Variants in ARHGEF10L observed in about 807,000 individuals in gnomAD.
ARHGEF10L encodes rho guanine nucleotide exchange factor 10-like protein.
Under a neutral mutation model 141.2 loss-of-function variants are expected in ARHGEF10L, and 69 were observed. The ratio of observed to expected loss-of-function variants is 0.49; its 90% CI spans 0.40 to 0.60. The LOEUF is 0.60. Among genes scored for constraint, ARHGEF10L ranks in the 20% least tolerant of loss-of-function variants. ARHGEF10L has a pLI of 0.00. For missense variants in ARHGEF10L, 1,482 were observed against 1,734.3 expected, an observed-to-expected ratio of 0.85 and a Z score of 2.58; for synonymous variants, 711 against 718.5, an observed-to-expected ratio of 0.99 and a Z score of 0.17.
intron 26 of ARHGEF10L, among the ~76,000 whole-genome samples, chr1:17,669,336 C>A (rs1224283573): frequency 6.6e-6 from 1 of 152,188 alleles, no homozygotes; most frequent in East Asian, 1.9e-4. Flanking sequence ...CTCCCACCCT[C>A]GGGAAGTAAA....
intron 1 of ARHGEF10L, among the ~76,000 whole-genome samples, chr1:17,561,508 G>T (rs185638098): frequency 4.6e-5 from 7 of 152,160 alleles, no homozygotes; most frequent in Non-Finnish European, 1.0e-4. Context: ...CTCCTGTCTC[G>T]CAGAGGGGGA....
intron 1 of ARHGEF10L, among the ~76,000 whole-genome samples, chr1:17,544,407 G>C (rs1195440709): frequency 6.6e-6 from 1 of 151,784 alleles, no homozygotes; most frequent in East Asian, 1.9e-4. Flanking sequence ...CGATTCTCAT[G>C]CCTCAGCCTC....
intron 9 of ARHGEF10L, among the ~76,000 whole-genome samples, chr1:17,616,460 G>T: frequency 6.6e-6 from 1 of 152,164 alleles, no homozygotes; most frequent in East Asian, 1.9e-4. Context: ...TCCTGCTTTT[G>T]TCACGGCCGT....
At position 17,638,763 on chromosome 1, in the gene ARHGEF10L, G is replaced by C. The variant is rs1232166468; in HGVS notation, c.2171+74G>C. 8 of 1,586,652 alleles carry C rather than the reference G, an allele frequency of 5.0e-6. No homozygotes were observed. In the Admixed American group the frequency reaches 1.4e-4, roughly 27 times the overall value. On this transcript the variant is annotated intron_variant, in intron 20 of 28. Coordinates refer to ENST00000361221, the MANE Select transcript of ARHGEF10L (RefSeq NM_018125.4). ...CCAGTGGAGCAGGGGATCCGGAGAG[G>C]GTACCTGGAGCCCTCTTATTTGTCG...
At chr1:17,640,092 C>A (rs1443361866) in intron 20 of ARHGEF10L, 110 bp from the exon 21 acceptor site, 1 of 1,500,390 alleles carries the variant, frequency 6.7e-7, no homozygotes, top group Non-Finnish European at 8.9e-7. Context: ...TCTGACCAGA[C>A]CTCCTTGATC....
intron 27 of ARHGEF10L, chr1:17,689,816 T>C (rs1281068498): frequency 4.4e-6 from 2 of 455,942 alleles, no homozygotes; most frequent in Admixed American, 2.4e-5. Flanking sequence ...AATCTCGTCT[T>C]GTCTGCGCAG....
chr1:17,635,534 C>A (rs873271), intron 18 of ARHGEF10L, among the ~76,000 whole-genome samples: 2 of 152,326 alleles, frequency 1.3e-5, no homozygotes, highest in Admixed American at 1.3e-4. Flanking sequence ...CCTCCCACCA[C>A]GCCCTCTCCA....
intron 1 of ARHGEF10L, among the ~76,000 whole-genome samples, chr1:17,556,660 T>C (rs2077339610): frequency 6.6e-6 from 1 of 152,154 alleles, no homozygotes; most frequent in Non-Finnish European, 1.5e-5. Context: ...CTAGTAATTC[T>C]CATATGTTAA....
chr1:17,568,778 G>C (rs554996302), intron 1 of ARHGEF10L, among the ~76,000 whole-genome samples: 1 of 152,240 alleles, frequency 6.6e-6, no homozygotes, highest in East Asian at 1.9e-4. Flanking sequence ...GAAAGAGGAC[G>C]GGTGTTTGGG....
At chr1:17,618,457 A>C in intron 9 of ARHGEF10L, 1 of 1,488,606 alleles carries the variant, frequency 6.7e-7, no homozygotes, top group Admixed American at 2.3e-5. Context: ...GAGGGTCTGC[A>C]CCACCCCCAC....
chr1:17,620,806 C>T (rs1217168341), intron 10 of ARHGEF10L, among the ~76,000 whole-genome samples: 2 of 152,172 alleles, frequency 1.3e-5, no homozygotes, highest in African/African-American at 4.8e-5. Context: ...ACATGTGACA[C>T]CTCCTGTGAG....
At chr1:17,682,822 A>G (rs2064230606) in intron 26 of ARHGEF10L, among the ~76,000 whole-genome samples, 1 of 152,250 alleles carries the variant, frequency 6.6e-6, no homozygotes, top group South Asian at 2.1e-4. Flanking sequence ...CACCAACCCC[A>G]CACTTCTGGG....
At chr1:17,514,046 A>G in the ARHGEF10L span, among the ~76,000 whole-genome samples, 1 of 146,876 alleles carries the variant, frequency 6.8e-6, no homozygotes, top group East Asian at 2.0e-4. Context: ...CTGGTCTCGA[A>G]CTCCTGACCT....
intron 26 of ARHGEF10L, among the ~76,000 whole-genome samples, chr1:17,666,082 T>C (rs2062960491): frequency 6.6e-6 from 1 of 152,180 alleles, no homozygotes; most frequent in South Asian, 2.1e-4. Context: ...CTTCAGCAGA[T>C]TGGGTGAGGC....
the ARHGEF10L span, among the ~76,000 whole-genome samples, chr1:17,523,298 A>G: frequency 1.3e-5 from 2 of 152,080 alleles, no homozygotes; most frequent in African/African-American, 4.8e-5. Context: ...CATGTTGGCC[A>G]GGCTGGTCTC....
chr1:17,656,346 G>C lies in ARHGEF10L; in HGVS notation c.2706-208G>C, dbSNP rs186544508. ...TCTTTTGCCTCCCTGAGTCCTCTTC[G>C]TGACAGAGGTGTCAGGGAGGGTACC... On this transcript the variant is annotated intron_variant, in intron 24 of 28. Coordinates refer to ENST00000361221, the MANE Select transcript of ARHGEF10L (RefSeq NM_018125.4). The surrounding 1 kb of genome is among the most constrained non-coding windows in gnomAD (Gnocchi z 4.9). Among the ~76,000 whole-genome samples, 1 of 152,184 alleles carries C rather than the reference G, an allele frequency of 6.6e-6. No homozygotes were observed. Among genetic ancestry groups the C allele is most frequent in the Non-Finnish European group, 1.5e-5 (1 of 68,028 alleles).
the ARHGEF10L span, among the ~76,000 whole-genome samples, chr1:17,522,489 G>C: frequency 6.6e-6 from 1 of 150,500 alleles, no homozygotes; most frequent in Non-Finnish European, 1.5e-5. Context: ...CCAACCCCCC[G>C]ACCCCTGGCT....
At chr1:17,560,160 G>A (rs527474481) in intron 1 of ARHGEF10L, among the ~76,000 whole-genome samples, 49 of 152,278 alleles carry the variant, frequency 3.2e-4, no homozygotes, top group African/African-American at 8.7e-4. Context: ...TTTGTGCCAG[G>A]TGATTGTACT....
chr1:17,604,401 C>T (rs1440086845), intron 6 of ARHGEF10L: 1 of 152,184 alleles, frequency 6.6e-6, no homozygotes, highest in African/African-American at 2.4e-5. Flanking sequence ...GAGGTTAAAT[C>T]ACCAGCCCCA....
Sources: gnomAD v4.1 joint callset for allele counts (sites outside exome capture counted in the v4.1 genomes callset) on GRCh38, gnomAD v4.1.1 for gene constraint, Gnocchi (gnomAD v3.1) non-coding constraint, MANE v1.5 for transcripts, NCBI Gene and HGNC (gene_info 2026-07-23, HGNC 2026-07-21) for gene names.